PCDH9: variants seen among roughly 807,000 people sequenced by gnomAD.
PCDH9 encodes protocadherin-9.
Under a neutral mutation model 70.6 loss-of-function variants are expected in PCDH9, and 24 were observed. The ratio of observed to expected loss-of-function variants is 0.34; its 90% CI spans 0.25 to 0.48. The LOEUF (loss-of-function observed/expected upper bound fraction) is 0.48. Ranked by LOEUF, PCDH9 falls within the 20% of genes least tolerant of loss-of-function variation. The probability of loss-of-function intolerance (pLI) is 0.99; values close to 1 mark genes in which losing one functional copy is unlikely to be tolerated. For missense variants in PCDH9, 1,281 were observed against 1,503.6 expected (o/e 0.85, Z 2.45); for synonymous variants, 562 against 558.5 (o/e 1.01, Z -0.09).
chr13:67,200,635 A>G (rs1306396127), intron 2 of PCDH9, among the ~76,000 whole-genome samples: 1 of 152,140 alleles, frequency 6.6e-6, no homozygotes, highest in Non-Finnish European at 1.5e-5. Flanking sequence ...ATTGAGCACA[A>G]AAGGGTTTAA....
chr13:67,155,574 C>T (rs558417593), intron 2 of PCDH9, among the ~76,000 whole-genome samples: 3 of 152,148 alleles, frequency 2.0e-5, no homozygotes, highest in Non-Finnish European at 4.4e-5. Context: ...TGTTCCATGA[C>T]GTGATTTTTT....
chr13:66,595,753 T>C (rs186412880), intron 4 of PCDH9, among the ~76,000 whole-genome samples: 15 of 151,794 alleles, frequency 9.9e-5, no homozygotes, highest in African/African-American at 3.4e-4. Flanking sequence ...TAGTCATTGG[T>C]AATCACATTC....
intron 3 of PCDH9, among the ~76,000 whole-genome samples, chr13:66,722,431 T>C (rs1317796208): frequency 1.3e-5 from 2 of 152,116 alleles, no homozygotes; most frequent in African/African-American, 4.8e-5. Context: ...GCTAAACAAT[T>C]ATAAAGTACT....
intron 2 of PCDH9, among the ~76,000 whole-genome samples, chr13:66,912,068 T>A (rs1432044972): frequency 6.6e-6 from 1 of 152,158 alleles, no homozygotes; most frequent in African/African-American, 2.4e-5. Context: ...AAATGGAAAT[T>A]TCTGCAACAC....
intron 4 of PCDH9, among the ~76,000 whole-genome samples, chr13:66,420,031 C>T (rs571985098): frequency 1.3e-5 from 2 of 152,174 alleles, no homozygotes; most frequent in African/African-American, 2.4e-5. Context: ...GTGCTTTTCC[C>T]CTCAAAGTGG....
chr13:66,614,725 A>C (rs2077335083), intron 4 of PCDH9, among the ~76,000 whole-genome samples: 1 of 152,202 alleles, frequency 6.6e-6, no homozygotes, highest in East Asian at 1.9e-4. Context: ...ATAGCATTTG[A>C]ACATAAATTT....
At chr13:66,750,850 T>C (rs1183693940) in intron 3 of PCDH9, among the ~76,000 whole-genome samples, 1 of 152,088 alleles carries the variant, frequency 6.6e-6, no homozygotes, top group Non-Finnish European at 1.5e-5. Context: ...GTGGTTATAT[T>C]ACCAGCAAAC....
intron 4 of PCDH9, among the ~76,000 whole-genome samples, chr13:66,616,481 A>ATTTT (rs1186865702): frequency 6.4e-3 from 143 of 22,198 alleles, no homozygotes; most frequent in Non-Finnish European, 0.011. Context: ...AAATTCTAAA[A>ATTTT]TTCTTTTTTT....
chr13:66,850,803 G>GA (rs1261333474), intron 3 of PCDH9, among the ~76,000 whole-genome samples: 1 of 152,130 alleles, frequency 6.6e-6, no homozygotes, highest in African/African-American at 2.4e-5. Context: ...TCAAACAAAG[G>GA]AATCAATCTT....
rs372621243 is a variant in PCDH9, at chr13:66,682,851, C to T, written c.3139-51440G>A. ...GTGGCATTAGGATCCATTCAGTTTC[C>T]GCAGGCAGCTTGAAAAATAGACCTG... On this transcript the variant is annotated intron_variant, in intron 3 of 4. Transcript: ENST00000377865. Among the ~76,000 whole-genome samples the T allele has an allele frequency of 2.4e-4, 36 of 152,130 alleles. No individual in the cohort carries two copies. The East Asian group carries it at 5.6e-3, about 24-fold the overall frequency.
At chr13:66,703,154 C>T (rs927752242) in intron 3 of PCDH9, among the ~76,000 whole-genome samples, 1 of 152,106 alleles carries the variant, frequency 6.6e-6, no homozygotes, top group East Asian at 1.9e-4. Flanking sequence ...CATACATTAC[C>T]CACAATTTTA....
intron 3 of PCDH9, among the ~76,000 whole-genome samples, chr13:66,735,133 T>C (rs551781810): frequency 3.3e-5 from 5 of 152,310 alleles, no homozygotes; most frequent in Admixed American, 3.3e-4. Context: ...CTACAACAGA[T>C]TGTGCTATTG....
At chr13:66,679,463 T>A (rs889692929) in intron 3 of PCDH9, among the ~76,000 whole-genome samples, 2 of 151,944 alleles carry the variant, frequency 1.3e-5, no homozygotes, top group African/African-American at 2.4e-5. Flanking sequence ...CTGGATCCAA[T>A]AGCTTTTTGA....
intron 4 of PCDH9, among the ~76,000 whole-genome samples, chr13:66,445,859 G>GA (rs930100901): frequency 1.4e-5 from 2 of 144,070 alleles, no homozygotes; most frequent in East Asian, 2.0e-4. Context: ...CATATATAAA[G>GA]AAAAAAATAT....
At chr13:66,666,893 GTTA>G (rs2078104561) in intron 3 of PCDH9, among the ~76,000 whole-genome samples, 1 of 152,158 alleles carries the variant, frequency 6.6e-6, no homozygotes, top group Non-Finnish European at 1.5e-5. Flanking sequence ...TCTGAAGTAG[GTTA>G]TTTTTATCAC....
At chr13:66,954,046 T>C (rs1361486520) in intron 2 of PCDH9, among the ~76,000 whole-genome samples, 1 of 152,174 alleles carries the variant, frequency 6.6e-6, no homozygotes, top group Non-Finnish European at 1.5e-5. Flanking sequence ...AAATACCAAA[T>C]GAAGAAGCCT....
chr13:66,945,634 A>G (rs951027009), intron 2 of PCDH9, among the ~76,000 whole-genome samples: 2 of 152,136 alleles, frequency 1.3e-5, no homozygotes, highest in Non-Finnish European at 2.9e-5. Flanking sequence ...TCTGAAAATT[A>G]TATTGTTAAG....
intron 2 of PCDH9, among the ~76,000 whole-genome samples, chr13:67,146,196 G>T (rs1002489386): frequency 1.3e-5 from 2 of 152,032 alleles, no homozygotes; most frequent in African/African-American, 4.8e-5. Context: ...TGTTATACTT[G>T]ACATTGAATA....
At chr13:66,745,020 C>T (rs1193048983) in intron 3 of PCDH9, among the ~76,000 whole-genome samples, 1 of 152,104 alleles carries the variant, frequency 6.6e-6, no homozygotes, top group Non-Finnish European at 1.5e-5. Flanking sequence ...CAAATTCAGT[C>T]TCCGTAACGT....
Sources: allele counts gnomAD v4.1 joint callset (sites outside exome capture counted in the v4.1 genomes callset), GRCh38; gene constraint gnomAD v4.1.1; transcripts MANE v1.5; gene names NCBI Gene and HGNC (gene_info 2026-07-23, HGNC 2026-07-21).